MGST3: variants seen among roughly 807,000 people sequenced by gnomAD.
MGST3 encodes the protein glutathione S-transferase 3, mitochondrial.
MGST3 carries 13 observed loss-of-function variants against 15.8 expected under a neutral mutation model. The ratio of observed to expected loss-of-function variants is 0.82; its 90% CI spans 0.54 to 1.31. MGST3 has a LOEUF of 1.31. Among genes scored for constraint, MGST3 ranks in the 50% most tolerant of loss-of-function variants. MGST3 has a pLI of 0.00. For missense variants in MGST3, 155 were observed against 192.4 expected, an observed-to-expected ratio of 0.81 and a Z score of 1.15; for synonymous variants, 49 against 68.1, an observed-to-expected ratio of 0.72 and a Z score of 1.38.
intron 1 of MGST3, chr1:165,636,660 C>G (rs1571147656): frequency 6.6e-6 from 1 of 152,152 alleles, no homozygotes; most frequent in East Asian, 1.9e-4. Context: ...TCACTTGAAC[C>G]TGGGAGGCAG....
chr1:165,632,092 C>A, intron 1 of MGST3: 1 of 673,646 alleles, frequency 1.5e-6, no homozygotes, highest in Non-Finnish European at 2.6e-6. Flanking sequence ...TCTGCTGATA[C>A]TTTCCTTGAG....
chr1:165,655,612 T>C lies in MGST3; in HGVS notation c.*108T>C. ...AAAAACTTACCTGGCATCAGCCTCA[T>C]ACCTAAAACTCCTGACTCTTACCAC... On this transcript the variant is annotated 3_prime_UTR_variant, in exon 6 of 6. Transcript: ENST00000367889. 7.5e-7 allele frequency: 1 copy of C among 1,325,896 alleles called. No homozygotes were observed. The highest frequency in any genetic ancestry group is 1.3e-5 in the South Asian group (1 of 78,280). The allele number at this position is 1,325,896 out of a possible 1,614,324, so 82.1% of individuals were successfully genotyped here.
Position 165,655,353 on chromosome 1 carries a change from TTTC to T in MGST3, c.323-9_323-7del, listed in dbSNP as rs754809679. ...GGAGCACTCCTGGTAACTTCTGTTC[TTTC>T]TTCTTTTTCAGAACCCAGCAAGCGT... On this transcript the variant is annotated splice_polypyrimidine_tract_variant and intron_variant, in intron 5 of 5. Coordinates refer to ENST00000367889, the MANE Select transcript of MGST3 (RefSeq NM_004528.4). 63 of 1,613,714 alleles carry T rather than the reference TTTC, an allele frequency of 3.9e-5. No homozygotes were observed. The highest frequency in any genetic ancestry group is 4.9e-5 in the Non-Finnish European group (58 of 1,179,832).
At chr1:165,653,410 T>C (rs1030384583) in intron 4 of MGST3, among the ~76,000 whole-genome samples, 1 of 152,210 alleles carries the variant, frequency 6.6e-6, no homozygotes, top group African/African-American at 2.4e-5. Flanking sequence ...TGGCAGAGAC[T>C]AGAGCTGCTA....
Position 165,651,857 on chromosome 1 carries a change from T to A in MGST3, c.192-121T>A. 4.7e-6 allele frequency: 3 copies of A among 641,048 alleles called. No homozygotes were observed. The South Asian group carries it at 5.1e-5, about 11-fold the overall frequency. 39.7% of individuals were successfully genotyped at this position (641,048 alleles called of 1,614,324 possible). A position where few individuals can be genotyped will look rare whatever the true frequency, so the allele number is the denominator to read the frequency against. On this transcript the variant is annotated intron_variant, in intron 3 of 5. Transcript: ENST00000367889. ...TTGCAGTGAGCTGAGATCATGCCACTGCATTCCAGCCTGGGTGACAGAGAC... is the reference window on the plus strand; with the variant it reads ...TTGCAGTGAGCTGAGATCATGCCACAGCATTCCAGCCTGGGTGACAGAGAC...
chr1:165,654,362 AT>A lies in MGST3; in HGVS notation c.322+13del. The A allele has an allele frequency of 6.2e-7, 1 of 1,612,768 alleles. No homozygotes were observed. Among genetic ancestry groups the A allele is most frequent in the Non-Finnish European group, 8.5e-7 (1 of 1,178,780 alleles). On this transcript the variant is annotated intron_variant, in intron 5 of 5. Transcript: ENST00000367889. ...GCTATTACACGGGAGGTTAGTATATATTGACATTTGCCAAGGAAACAACTTT... is the reference window on the plus strand; with the variant it reads ...GCTATTACACGGGAGGTTAGTATATATGACATTTGCCAAGGAAACAACTTT...
intron 1 of MGST3, among the ~76,000 whole-genome samples, chr1:165,645,507 A>G (rs1007427231): frequency 1.3e-5 from 2 of 152,200 alleles, no homozygotes; most frequent in African/African-American, 4.8e-5. Context: ...GGAATACACT[A>G]TAATGCTAAA....
At chr1:165,639,615 CAACATGGCGA>C (rs1304814878) in intron 1 of MGST3, among the ~76,000 whole-genome samples, 1 of 152,096 alleles carries the variant, frequency 6.6e-6, no homozygotes, top group Non-Finnish European at 1.5e-5. Context: ...CCAGCCTGGC[CAACATGGCGA>C]AACCCCATCT....
At chr1:165,650,143 C>A in intron 2 of MGST3, 179 bp downstream of exon 2, 1 of 808,178 alleles carries the variant, frequency 1.2e-6, no homozygotes, top group Non-Finnish European at 2.0e-6. Context: ...AAATACAGGG[C>A]CCTGCTAGGG....
rs1010121196 is a variant in MGST3, at chr1:165,650,845, G to A, written c.118-169G>A. The stretch of plus-strand genomic sequence containing the variant: ...TAATAGAAACATTGACTCTGCTTCT[G>A]AGAATTGAGACCCTTGTCACCATAA... On this transcript the variant is annotated intron_variant, in intron 2 of 5. Coordinates refer to ENST00000367889, the MANE Select transcript of MGST3 (RefSeq NM_004528.4). The A allele has an allele frequency of 2.1e-5, 14 of 659,542 alleles. No individual in the cohort carries two copies. The African/African-American group carries it at 2.3e-4, about 11-fold the overall frequency. The allele number at this position is 659,542 out of a possible 1,614,324, so 40.9% of individuals were successfully genotyped here.
chr1:165,636,410 G>A (rs1037065195), intron 1 of MGST3, among the ~76,000 whole-genome samples: 1 of 152,106 alleles, frequency 6.6e-6, no homozygotes, highest in African/African-American at 2.4e-5. Flanking sequence ...TGATGTTTTA[G>A]TACGTATATA....
At chr1:165,636,430 A>G (rs911195792) in intron 1 of MGST3, among the ~76,000 whole-genome samples, 3 of 152,132 alleles carry the variant, frequency 2.0e-5, no homozygotes, top group South Asian at 4.1e-4. Flanking sequence ...ACATTGTGTA[A>G]TGAGCAAGAG....
intron 1 of MGST3, among the ~76,000 whole-genome samples, chr1:165,638,078 C>A (rs182678477): frequency 6.6e-6 from 1 of 152,258 alleles, no homozygotes; most frequent in East Asian, 1.9e-4. Context: ...AAATACTGTT[C>A]CTAGTTTTCT....
intron 5 of MGST3, among the ~76,000 whole-genome samples, chr1:165,654,656 A>C (rs1355676119): frequency 1.3e-5 from 2 of 151,878 alleles, no homozygotes; most frequent in African/African-American, 4.8e-5. Context: ...ACACTACTAC[A>C]CTCCAGCCTG....
intron 1 of MGST3, among the ~76,000 whole-genome samples, chr1:165,632,739 C>T (rs1647987674): frequency 1.3e-5 from 2 of 152,010 alleles, no homozygotes; most frequent in Admixed American, 1.3e-4. Flanking sequence ...GGCAGCCTTC[C>T]GCTTTATTTA....
intron 1 of MGST3, among the ~76,000 whole-genome samples, chr1:165,633,111 C>A (rs2101711883): frequency 6.6e-6 from 1 of 152,292 alleles, no homozygotes; most frequent in Admixed American, 6.5e-5. Context: ...TTTTGCAGCT[C>A]AATTTATTAA....
chr1:165,631,560 A>G (rs1236897404), intron 1 of MGST3, among the ~76,000 whole-genome samples: 1 of 152,076 alleles, frequency 6.6e-6, no homozygotes, highest in Non-Finnish European at 1.5e-5. Flanking sequence ...GAAAATTCTC[A>G]AGGTCAACCC....
At chr1:165,641,435 G>C (rs1292399270) in intron 1 of MGST3, among the ~76,000 whole-genome samples, 1 of 152,146 alleles carries the variant, frequency 6.6e-6, no homozygotes, top group Non-Finnish European at 1.5e-5. Context: ...AATCTAATTA[G>C]ACCAGCCTTT....
intron 2 of MGST3, 100 bp downstream of exon 2, chr1:165,650,064 AGTT>A: frequency 6.4e-7 from 1 of 1,552,534 alleles, no homozygotes. Flanking sequence ...GCAAGGAGCT[AGTT>A]GTGAGAAGTG....
Sources: allele counts gnomAD v4.1 joint callset (sites outside exome capture counted in the v4.1 genomes callset), GRCh38; gene constraint gnomAD v4.1.1; transcripts MANE v1.5; gene names NCBI Gene and HGNC (gene_info 2026-07-23, HGNC 2026-07-21).